STX1A: variants seen among roughly 807,000 people sequenced by gnomAD.
STX1A encodes syntaxin-1A.
In STX1A, 4 loss-of-function variants were observed where a neutral mutation model predicts 37.8. The observed-to-expected ratio is 0.11, with a 90% CI of 0.05 to 0.24. The LOEUF (loss-of-function observed/expected upper bound fraction) is 0.24, where lower values mean the gene tolerates loss of function less well. STX1A is among the 10% of genes least tolerant of loss of function. STX1A has a pLI of 1.00. For synonymous variants in STX1A, 135 were observed against 147.4 expected, an observed-to-expected ratio of 0.92 and a Z score of 0.61; for missense variants, 251 against 399.9, an observed-to-expected ratio of 0.63 and a Z score of 3.18.
chr7:73,709,689 T>C lies in STX1A; in HGVS notation c.31-567A>G, dbSNP rs1421287735. On this transcript the variant is annotated intron_variant, in intron 1 of 9. Coordinates refer to ENST00000222812, the MANE Select transcript of STX1A (RefSeq NM_004603.4). The surrounding 1 kb of genome is among the most constrained non-coding windows in gnomAD (Gnocchi z 4.2). Reference sequence around the variant, plus strand: ...TCAGCATCCCGAGTAGCTGGAATTATAGGTTTCCACAACCATGCCTGGCTC... The same window carrying C: ...TCAGCATCCCGAGTAGCTGGAATTACAGGTTTCCACAACCATGCCTGGCTC... Among the ~76,000 whole-genome samples the C allele has an allele frequency of 6.6e-6, 1 of 151,930 alleles. No homozygotes were observed. The highest frequency in any genetic ancestry group is 2.4e-5 in the African/African-American group (1 of 41,348).
rs1799426432 is a variant in STX1A, at chr7:73,719,640, G to C, written c.-9C>G. ...TGGGTTCGGTCCTTCATGCTCCCGG[G>C]AGTGGCAGCGGCGCCGGCTGCAGCC... On this transcript the variant is annotated 5_prime_UTR_variant, in exon 1 of 10. Transcript: ENST00000222812. 3.3e-6 allele frequency: 4 copies of C among 1,195,632 alleles called. No individual in the cohort carries two copies. Among genetic ancestry groups the C allele is most frequent in the Non-Finnish European group, 4.2e-6 (4 of 959,962 alleles). The allele number at this position is 1,195,632 out of a possible 1,614,324, so 74.1% of individuals were successfully genotyped here.
chr7:73,719,532 G>A (rs2116787372), intron 1 of STX1A, 70 bp downstream of exon 1: 1 of 1,185,604 alleles, frequency 8.4e-7, no homozygotes, highest in South Asian at 4.2e-5. Flanking sequence ...GCGGGAGCCG[G>A]GCGGGAAGTG....
Position 73,700,978 on chromosome 7 carries a change from C to T in STX1A, c.679-138G>A. 6.7e-7 allele frequency: 1 copy of T among 1,498,098 alleles called. No homozygotes were observed. The highest frequency in any genetic ancestry group is 8.9e-7 in the Non-Finnish European group (1 of 1,122,500). 92.8% of individuals were successfully genotyped at this position (1,498,098 alleles called of 1,614,324 possible). On this transcript the variant is annotated intron_variant, in intron 8 of 9. Coordinates refer to ENST00000222812, the MANE Select transcript of STX1A (RefSeq NM_004603.4). The surrounding 1 kb of genome is among the most constrained non-coding windows in gnomAD (Gnocchi z 4.4). ...GAGGAGGTTAGGGTACAGCTTCTCA[C>T]CTGGGCCAGGTACCCTGGGTGGGGT...
At chr7:73,707,570 C>T (rs926217652) in intron 3 of STX1A, among the ~76,000 whole-genome samples, 3 of 152,178 alleles carry the variant, frequency 2.0e-5, no homozygotes, top group Non-Finnish European at 2.9e-5. Context: ...TTCCTTCCCT[C>T]GCTCCCAGAA....
chr7:73,707,315 A>G (rs1798908707), intron 3 of STX1A, among the ~76,000 whole-genome samples: 1 of 152,158 alleles, frequency 6.6e-6, no homozygotes, highest in Non-Finnish European at 1.5e-5. Flanking sequence ...CCTGACACAC[A>G]GGCTCCCAGT....
Position 73,700,921 on chromosome 7 carries a change from G to T in STX1A, c.679-81C>A. ...GGGCTCGGGGCAGGACTTCAGGAAA[G>T]CACCCTGAGGCTAGAGACAAAAAGG... is the stretch of plus-strand genomic sequence containing the variant. On this transcript the variant is annotated intron_variant, in intron 8 of 9. Transcript: ENST00000222812. This position sits in a 1 kb window ranked among gnomAD's most constrained non-coding sequence, Gnocchi z 4.4. 1 of 1,585,440 alleles carries T rather than the reference G, an allele frequency of 6.3e-7. No homozygotes were observed. The highest frequency in any genetic ancestry group is 8.5e-7 in the Non-Finnish European group (1 of 1,170,512).
intron 1 of STX1A, among the ~76,000 whole-genome samples, chr7:73,710,282 C>T (rs1042264547): frequency 6.6e-6 from 1 of 152,246 alleles, no homozygotes. Flanking sequence ...TGCCTCATAC[C>T]GCCAGTTGGC....
At position 73,704,128 on chromosome 7, in the gene STX1A, AG is replaced by A. The variant is rs782461223; in HGVS notation, c.466+19del. 2.5e-6 allele frequency: 2 copies of A among 802,880 alleles called. No individual in the cohort carries two copies. Among genetic ancestry groups the A allele is most frequent in the Non-Finnish European group, 3.7e-6 (2 of 539,858 alleles). 49.7% of individuals were successfully genotyped at this position (802,880 alleles called of 1,614,324 possible). A position where few individuals can be genotyped will look rare whatever the true frequency, so the allele number is the denominator to read the frequency against. Reference sequence around the variant, plus strand: ...CCCTCCAGGCTCCAGGCCCCGCCCCAGGCCCCACCCCCAGCTCACTGATCTC... The same window carrying A: ...CCCTCCAGGCTCCAGGCCCCGCCCCAGCCCCACCCCCAGCTCACTGATCTC... On this transcript the variant is annotated intron_variant, in intron 6 of 9. Coordinates refer to ENST00000222812, the MANE Select transcript of STX1A (RefSeq NM_004603.4).
In STX1A at chr7:73,700,524, G is replaced by A; in HGVS notation, c.790-40C>T. Reference sequence around the variant, plus strand: ...GGCAGGAGAGGCCTCAGACAGTGTTGGCGGCAGGTGGGGTGGGACTATGGC... The same window carrying A: ...GGCAGGAGAGGCCTCAGACAGTGTTAGCGGCAGGTGGGGTGGGACTATGGC... On this transcript the variant is annotated intron_variant, in intron 9 of 9. Transcript: ENST00000222812. The surrounding 1 kb of genome is among the most constrained non-coding windows in gnomAD (Gnocchi z 4.4). The A allele has an allele frequency of 1.2e-6, 2 of 1,607,788 alleles. No homozygotes were observed. The highest frequency in any genetic ancestry group is 1.1e-5 in the South Asian group (1 of 90,388).
Position 73,700,585 on chromosome 7 carries a change from G to C in STX1A, c.790-101C>G. The C allele has an allele frequency of 1.3e-6, 2 of 1,516,664 alleles. No homozygotes were observed. The highest frequency in any genetic ancestry group is 2.4e-5 in the East Asian group (1 of 41,898). The allele number at this position is 1,516,664 out of a possible 1,614,324, so 94.0% of individuals were successfully genotyped here. A position where few individuals can be genotyped will look rare whatever the true frequency, so the allele number is the denominator to read the frequency against. ...GACTGGACAGTCGGGGGGGATCCAA[G>C]CAGGGGAAGGTGACGGCCTGGGAGG... On this transcript the variant is annotated intron_variant, in intron 9 of 9. Coordinates refer to ENST00000222812, the MANE Select transcript of STX1A (RefSeq NM_004603.4). This position sits in a 1 kb window ranked among gnomAD's most constrained non-coding sequence, Gnocchi z 4.4.
At position 73,717,201 on chromosome 7, in the gene STX1A, GGGA is replaced by G. The variant is rs1347101316; in HGVS notation, c.30+2398_30+2400del. ...GGGTGGGGGAGAAGGAGAAAGAAGA[GGGA>G]GGAGGAGGAGGAAGAGGGAGGGAGG... On this transcript the variant is annotated intron_variant, in intron 1 of 9. Transcript: ENST00000222812. The surrounding 1 kb of genome is among the most constrained non-coding windows in gnomAD (Gnocchi z 4.1). Among the ~76,000 whole-genome samples the G allele has an allele frequency of 6.6e-6, 1 of 151,788 alleles. No homozygotes were observed. The highest frequency in any genetic ancestry group is 1.5e-5 in the Non-Finnish European group (1 of 67,874).
intron 1 of STX1A, among the ~76,000 whole-genome samples, chr7:73,716,145 T>C (rs1343332706): frequency 6.6e-6 from 1 of 152,158 alleles, no homozygotes; most frequent in Non-Finnish European, 1.5e-5. Context: ...GCACCCCAGA[T>C]GAAAATGTAC....
intron 8 of STX1A, 183 bp from the exon 9 acceptor site, chr7:73,701,023 C>A: frequency 8.2e-7 from 1 of 1,215,130 alleles, no homozygotes; most frequent in Non-Finnish European, 1.1e-6. Flanking sequence ...CAGGCAGGCT[C>A]CCCAAGGCAG....
intron 1 of STX1A, among the ~76,000 whole-genome samples, chr7:73,714,110 CTTT>C (rs1319851232): frequency 2.1e-5 from 3 of 142,654 alleles, no homozygotes; most frequent in African/African-American, 2.6e-5. Context: ...TGTCCTGGCA[CTTT>C]TTTTTTTTTT....
Position 73,700,317 on chromosome 7 carries a change from G to A in STX1A, c.*90C>T, listed in dbSNP as rs572595632. ...AGGGAGGGTGCTCTGAGCCAGAGGC[G>A]GGGGTTGGGAGGGCAGCCCAGCCAG... On this transcript the variant is annotated 3_prime_UTR_variant, in exon 10 of 10. Transcript: ENST00000222812. The surrounding 1 kb of genome is among the most constrained non-coding windows in gnomAD (Gnocchi z 4.4). 6.1e-6 allele frequency: 8 copies of A among 1,304,426 alleles called. No homozygotes were observed. The highest frequency in any genetic ancestry group is 1.9e-4 in the Middle Eastern group (1 of 5,250). The allele number at this position is 1,304,426 out of a possible 1,614,324, so 80.8% of individuals were successfully genotyped here.
At position 73,704,218 on chromosome 7, in the gene STX1A, C is replaced by A; in HGVS notation, c.396G>T (p.Ser132=). The change falls in exon 6 of 10, where the codon TCG becomes TCT. Residue 132 remains serine (S), a synonymous_variant. Coordinates refer to ENST00000222812, the MANE Select transcript of STX1A (RefSeq NM_004603.4). ...AGTCGGACTGCGTGGCGTTGTACTC[C>A]GACATGACCTCCACAAACTTTCTGG... The part of the protein sequence containing the change: ...TLSRKFVEVM[S]EYNATQSDYR... 6.2e-7 allele frequency: 1 copy of A among 1,613,876 alleles called. No individual in the cohort carries two copies. The highest frequency in any genetic ancestry group is 8.5e-7 in the Non-Finnish European group (1 of 1,180,008).
Position 73,709,254 on chromosome 7 carries a change from C to T in STX1A, c.31-132G>A, listed in dbSNP as rs1372793638. Reference sequence around the variant, plus strand: ...GGGGGCCTCTGGGCAGGGACAAGAACAGGCCTGGCTGTTCCGCTCCCAGCC... The same window carrying T: ...GGGGGCCTCTGGGCAGGGACAAGAATAGGCCTGGCTGTTCCGCTCCCAGCC... On this transcript the variant is annotated intron_variant, in intron 1 of 9. Transcript: ENST00000222812. The surrounding 1 kb of genome is among the most constrained non-coding windows in gnomAD (Gnocchi z 4.2). The T allele has an allele frequency of 5.9e-5, 50 of 847,114 alleles. No homozygotes were observed. Among genetic ancestry groups the T allele is most frequent in the Non-Finnish European group, 9.0e-5 (48 of 534,286 alleles). The allele number at this position is 847,114 out of a possible 1,614,324, so 52.5% of individuals were successfully genotyped here. A position where few individuals can be genotyped will look rare whatever the true frequency, so the allele number is the denominator to read the frequency against.
At chr7:73,708,787 G>A in intron 2 of STX1A, 99 bp from the exon 3 acceptor site, 1 of 1,316,648 alleles carries the variant, frequency 7.6e-7, no homozygotes, top group South Asian at 1.3e-5. Context: ...AGGGCTCAGG[G>A]GGAGGACGGG....
chr7:73,702,618 G>T lies in STX1A; in HGVS notation c.678+227C>A. The T allele has an allele frequency of 7.4e-7, 1 of 1,344,512 alleles. No homozygotes were observed. The highest frequency in any genetic ancestry group is 9.8e-7 in the Non-Finnish European group (1 of 1,015,648). 83.3% of individuals were successfully genotyped at this position (1,344,512 alleles called of 1,614,324 possible). ...TGAGAGACGGCGGGGTATAGAGGGTGGGGCCATGCAGGGCCTGGGGTCCTT... is the reference window on the plus strand; with the variant it reads ...TGAGAGACGGCGGGGTATAGAGGGTTGGGCCATGCAGGGCCTGGGGTCCTT... On this transcript the variant is annotated intron_variant, in intron 8 of 9. Transcript: ENST00000222812. This position sits in a 1 kb window ranked among gnomAD's most constrained non-coding sequence, Gnocchi z 4.7.
Sources: allele counts gnomAD v4.1 joint callset (sites outside exome capture counted in the v4.1 genomes callset), GRCh38; gene constraint gnomAD v4.1.1; non-coding constraint Gnocchi (gnomAD v3.1); transcripts MANE v1.5; gene names NCBI Gene and HGNC (gene_info 2026-07-23, HGNC 2026-07-21).